CORO2B: variants seen among roughly 807,000 people sequenced by gnomAD.
CORO2B encodes the protein coronin-2B.
A neutral mutation model predicts 58.8 loss-of-function variants in CORO2B; 26 were observed. That is an observed-to-expected ratio of 0.44 (90% CI 0.32 to 0.61). CORO2B has a LOEUF of 0.61. Among genes scored for constraint, CORO2B ranks in the 20% least tolerant of loss-of-function variants. The pLI, the probability that CORO2B is intolerant of heterozygous loss-of-function variation, is 0.04. For synonymous variants in CORO2B, 242 were observed against 253.8 expected (o/e 0.95, Z 0.44); for missense variants, 460 against 645.1 (o/e 0.71, Z 3.11).
chr15:68,622,469 G>A (rs28708978), intron 1 of CORO2B, among the ~76,000 whole-genome samples: 4,738 of 152,204 alleles, frequency 0.031, 229 homozygotes, highest in African/African-American at 0.1. Flanking sequence ...CATTCAGTTC[G>A]ACCTGAACCT....
intron 1 of CORO2B, among the ~76,000 whole-genome samples, chr15:68,633,557 G>A (rs1900927226): frequency 9.7e-6 from 1 of 103,358 alleles, no homozygotes; most frequent in African/African-American, 3.8e-5. Flanking sequence ...TCACTCCTTG[G>A]GGACAGCACA....
the CORO2B span, among the ~76,000 whole-genome samples, chr15:68,520,180 A>G: frequency 6.6e-6 from 1 of 152,226 alleles, no homozygotes; most frequent in African/African-American, 2.4e-5. Flanking sequence ...AATCTGCTTT[A>G]TGGGCTAGCA....
chr15:68,709,513 G>A (rs1892864323), intron 3 of CORO2B, among the ~76,000 whole-genome samples: 1 of 146,690 alleles, frequency 6.8e-6, no homozygotes, highest in Admixed American at 6.8e-5. Context: ...CCAGGCAGGA[G>A]TGCAGTGGAT....
At position 68,652,747 on chromosome 15, in the gene CORO2B, C is replaced by T. The variant is rs115830203; in HGVS notation, c.216+7387C>T. On this transcript the variant is annotated intron_variant, in intron 2 of 11. Coordinates refer to ENST00000261861, the MANE Select transcript of CORO2B (RefSeq NM_006091.5). ...ATGATGAAAGTATACTCATTCTCCT[C>T]GTTTTACAGATAAAGAAACAGAGGC... 5.7e-3 allele frequency among the ~76,000 whole-genome samples: 871 copies of T among 152,282 alleles called. 8 individuals are homozygous for T. The highest frequency in any genetic ancestry group is 0.02 in the African/African-American group (815 of 41,544).
At chr15:68,526,511 C>G in the CORO2B span, among the ~76,000 whole-genome samples, 4 of 152,164 alleles carry the variant, frequency 2.6e-5, no homozygotes, top group African/African-American at 4.8e-5. Context: ...TGCTGAGCAT[C>G]TTTTCACATG....
At chr15:68,521,762 G>GTTTT in the CORO2B span, among the ~76,000 whole-genome samples, 1 of 144,366 alleles carries the variant, frequency 6.9e-6, no homozygotes, top group Non-Finnish European at 1.5e-5. Flanking sequence ...TTTCTTTTTT[G>GTTTT]TTTTTTTTTT....
intron 2 of CORO2B, among the ~76,000 whole-genome samples, chr15:68,649,037 A>T (rs933659593): frequency 9.2e-5 from 14 of 152,320 alleles, no homozygotes; most frequent in African/African-American, 3.4e-4. Flanking sequence ...TCTCTGTCAA[A>T]TTGCTTAAAC....
At chr15:68,541,426 G>A in the CORO2B span, among the ~76,000 whole-genome samples, 1 of 152,158 alleles carries the variant, frequency 6.6e-6, no homozygotes, top group Non-Finnish European at 1.5e-5. Flanking sequence ...CATCAAAAAT[G>A]CTATATGAAC....
the CORO2B span, among the ~76,000 whole-genome samples, chr15:68,551,970 C>T: frequency 7.9e-3 from 1,129 of 143,352 alleles, 16 homozygotes; most frequent in African/African-American, 0.028. Context: ...GGGTGGGGGC[C>T]GGGGGAGACC....
At chr15:68,638,581 A>G (rs1901109748) in intron 1 of CORO2B, among the ~76,000 whole-genome samples, 1 of 152,140 alleles carries the variant, frequency 6.6e-6, no homozygotes, top group Non-Finnish European at 1.5e-5. Context: ...CCCTGTATTT[A>G]TGGAGCTACT....
At chr15:68,535,376 G>A in the CORO2B span, among the ~76,000 whole-genome samples, 150 of 152,262 alleles carry the variant, frequency 9.9e-4, no homozygotes, top group African/African-American at 3.5e-3. Context: ...TCTTTCTGAG[G>A]CTGGATTTTT....
At chr15:68,521,762 G>GTTT in the CORO2B span, among the ~76,000 whole-genome samples, 1 of 144,364 alleles carries the variant, frequency 6.9e-6, no homozygotes, top group Non-Finnish European at 1.5e-5. Context: ...TTTCTTTTTT[G>GTTT]TTTTTTTTTT....
chr15:68,722,219 G>T (rs1893178765), intron 11 of CORO2B, among the ~76,000 whole-genome samples: 1 of 152,210 alleles, frequency 6.6e-6, no homozygotes, highest in Admixed American at 6.5e-5. Flanking sequence ...CTGTAGACTT[G>T]CCTATGGAAT....
chr15:68,565,599 GT>G, the CORO2B span, among the ~76,000 whole-genome samples: 2 of 151,802 alleles, frequency 1.3e-5, no homozygotes, highest in African/African-American at 4.8e-5. Context: ...TCCAACATTT[GT>G]TTTCTTTCTT....
intron 1 of CORO2B, among the ~76,000 whole-genome samples, chr15:68,638,416 C>T (rs1021091717): frequency 1.3e-5 from 2 of 152,194 alleles, no homozygotes; most frequent in African/African-American, 4.8e-5. Context: ...ACATTATTCT[C>T]ATTTTACAGT....
chr15:68,697,019 A>G (rs767860118), intron 3 of CORO2B, among the ~76,000 whole-genome samples: 1 of 152,150 alleles, frequency 6.6e-6, no homozygotes, highest in African/African-American at 2.4e-5. Context: ...ACCACAGCCT[A>G]TTTGGTTCTG....
chr15:68,528,031 A>G, the CORO2B span, among the ~76,000 whole-genome samples: 1 of 152,186 alleles, frequency 6.6e-6, no homozygotes, highest in Non-Finnish European at 1.5e-5. Flanking sequence ...TCAAACCTTT[A>G]AAAATGTATG....
the CORO2B span, among the ~76,000 whole-genome samples, chr15:68,561,031 C>T: frequency 6.6e-6 from 1 of 152,190 alleles, no homozygotes; most frequent in Non-Finnish European, 1.5e-5. Context: ...GAATGGCACA[C>T]AGAGAGCATA....
At chr15:68,684,631 C>T (rs925318346) in intron 2 of CORO2B, among the ~76,000 whole-genome samples, 6 of 152,258 alleles carry the variant, frequency 3.9e-5, no homozygotes, top group Admixed American at 3.9e-4. Flanking sequence ...CATGAGACCC[C>T]CTCCCGCCCC....
Sources: allele counts gnomAD v4.1 joint callset (sites outside exome capture counted in the v4.1 genomes callset), GRCh38; gene constraint gnomAD v4.1.1; transcripts MANE v1.5; gene names NCBI Gene and HGNC (gene_info 2026-07-23, HGNC 2026-07-21).